Variants in PPP1R12C observed in about 807,000 individuals in gnomAD.
PPP1R12C encodes the protein leukocyte receptor cluster (LRC) encoded novel gene 3.
A neutral mutation model predicts 95.6 loss-of-function variants in PPP1R12C; 48 were observed. That is an observed-to-expected ratio of 0.50 (90% confidence interval 0.40 to 0.64). The LOEUF is 0.64. Among genes scored for constraint, PPP1R12C ranks in the 30% least tolerant of loss-of-function variants. The pLI, the probability that PPP1R12C is intolerant of heterozygous loss-of-function variation, is 0.00. For missense variants in PPP1R12C, 1,057 were observed against 1,083.3 expected, an observed-to-expected ratio of 0.98 and a Z score of 0.34; for synonymous variants, 480 against 460.8, an observed-to-expected ratio of 1.04 and a Z score of -0.53.
In PPP1R12C at chr19:55,091,058, G is replaced by A; in HGVS notation, c.*414C>T. On this transcript the variant is annotated 3_prime_UTR_variant, in exon 22 of 22. Transcript: ENST00000263433. The stretch of plus-strand genomic sequence containing the variant: ...CTATTGCACATGGACCCTATATACA[G>A]GCCCACCTGGCTGAGGCTGGCGGGA... 3.9e-6 allele frequency: 1 copy of A among 256,316 alleles called. No individual in the cohort carries two copies. The highest frequency in any genetic ancestry group is 7.7e-6 in the Non-Finnish European group (1 of 130,184). 15.9% of individuals were successfully genotyped at this position (256,316 alleles called of 1,614,324 possible).
rs537228210 is a variant in PPP1R12C, at chr19:55,097,497, C to T, written c.952-1162G>A. Among the ~76,000 whole-genome samples, 10 of 141,934 alleles carry T rather than the reference C, an allele frequency of 7.0e-5. 1 individual carries two copies. The East Asian group carries it at 1.0e-3, about 15-fold the overall frequency. 93.1% of individuals were successfully genotyped at this position (141,934 alleles called of 152,430 possible). On this transcript the variant is annotated intron_variant, in intron 6 of 21. Coordinates refer to ENST00000263433, the MANE Select transcript of PPP1R12C (RefSeq NM_017607.4). The stretch of plus-strand genomic sequence containing the variant: ...ACACCTTCCCCGCGCAGTTCACCAC[C>T]GTCTTCACCCCTACCCCGCACAGTT...
rs940738330 is a variant in PPP1R12C at position 55,109,907 on chromosome 19, C to T, written c.571+2560G>A. Among the ~76,000 whole-genome samples the T allele has an allele frequency of 1.3e-5, 2 of 152,184 alleles. No homozygotes were observed. Among genetic ancestry groups the T allele is most frequent in the Non-Finnish European group, 2.9e-5 (2 of 68,030 alleles). On this transcript the variant is annotated intron_variant, in intron 3 of 21. Transcript: ENST00000263433. The surrounding 1 kb of genome is among the most constrained non-coding windows in gnomAD (Gnocchi z 4.4). ...TGTGATTTGGGGCCGCAGAGTCCCACCCCGAGCAGCACGGCTGAGGGTCTT... is the reference window on the plus strand; with the variant it reads ...TGTGATTTGGGGCCGCAGAGTCCCATCCCGAGCAGCACGGCTGAGGGTCTT...
At chr19:55,098,182 G>A (rs2084943353) in intron 6 of PPP1R12C, among the ~76,000 whole-genome samples, 1 of 152,154 alleles carries the variant, frequency 6.6e-6, no homozygotes, top group South Asian at 2.1e-4. Context: ...GTACTCCCCC[G>A]AGCTCCTGAC....
chr19:55,095,096 G>T, intron 11 of PPP1R12C, 195 bp downstream of exon 11: 1 of 723,260 alleles, frequency 1.4e-6, no homozygotes, highest in Admixed American at 2.4e-5. Context: ...GTGGGGGGAA[G>T]ATAGGGGAGA....
At chr19:55,096,377 A>G (rs991431255) in intron 6 of PPP1R12C, 42 bp from the exon 7 acceptor site, 2 of 1,591,214 alleles carry the variant, frequency 1.3e-6, no homozygotes, top group Non-Finnish European at 1.7e-6. Flanking sequence ...GGTGGAGCAC[A>G]CGTGCCCCAC....
rs2085167253 is a variant in PPP1R12C, at chr19:55,117,414, C to A, written c.130G>T (p.Ala44Ser). 4.9e-6 allele frequency: 5 copies of A among 1,019,976 alleles called. No individual in the cohort carries two copies. The highest frequency in any genetic ancestry group is 4.7e-4 in the Middle Eastern group (1 of 2,114). The allele number at this position is 1,019,976 out of a possible 1,614,324, so 63.2% of individuals were successfully genotyped here. ...GCGCGCTCGAAGCGGACGGTGCGGG[C>A]GCGGCGCTCTCCGGGGCCAGGCTCG... is the stretch of plus-strand genomic sequence containing the variant. ...GAEPGPGERR[A>S]RTVRFERAAE... The change falls in exon 1 of 22, where the codon GCC becomes TCC. Residue 44 changes from alanine to serine, a missense_variant. Around this residue, in one of 5 missense-constraint regions of PPP1R12C, gnomAD observed 282 missense variants for 380.4 expected, o/e 0.74. Transcript: ENST00000263433.
chr19:55,103,570 TAGG>T lies in PPP1R12C; in HGVS notation c.572-5_572-3del. On this transcript the variant is annotated splice_polypyrimidine_tract_variant and splice_region_variant and intron_variant, in intron 3 of 21. Transcript: ENST00000263433. Reference sequence around the variant, plus strand: ...GCTTGGCTGCTTCCACATCCACACCTAGGAGGATAAGAGGCACGAGGTAGGACT... The same window carrying T: ...GCTTGGCTGCTTCCACATCCACACCTAGGATAAGAGGCACGAGGTAGGACT... The T allele has an allele frequency of 1.3e-6, 2 of 1,567,936 alleles. No homozygotes were observed. The highest frequency in any genetic ancestry group is 1.7e-6 in the Non-Finnish European group (2 of 1,147,930).
chr19:55,109,968 C>T lies in PPP1R12C; in HGVS notation c.571+2499G>A, dbSNP rs1404088901. On this transcript the variant is annotated intron_variant, in intron 3 of 21. Coordinates refer to ENST00000263433, the MANE Select transcript of PPP1R12C (RefSeq NM_017607.4). This position sits in a 1 kb window ranked among gnomAD's most constrained non-coding sequence, Gnocchi z 4.4. ...CCAGTGGTCTTCGTTCCTGGCTGAT[C>T]CTACAAGCCAATATCCCCCACCAAT... Among the ~76,000 whole-genome samples, 1 of 152,156 alleles carries T rather than the reference C, an allele frequency of 6.6e-6. No homozygotes were observed. Among genetic ancestry groups the T allele is most frequent in the Non-Finnish European group, 1.5e-5 (1 of 68,008 alleles).
Position 55,098,806 on chromosome 19 carries a change from T to C in PPP1R12C, c.929A>G (p.Glu310Gly). 1 of 1,613,462 alleles carries C rather than the reference T, an allele frequency of 6.2e-7. No individual in the cohort carries two copies. Among genetic ancestry groups the C allele is most frequent in the Non-Finnish European group, 8.5e-7 (1 of 1,179,966 alleles). Residue 310 changes from glutamate (E) to glycine (G), a missense_variant, in exon 6 of 22, where the codon GAA (glutamate) becomes GGA (glycine). Physicochemically the swap from Glu to Gly is moderately conservative, Grantham distance 98. Coordinates refer to ENST00000263433, the MANE Select transcript of PPP1R12C (RefSeq NM_017607.4). ...CACGTCCTCCTGTTTCCGGGCCAGTTCCTCCAACAGGCTCAGTACTTCCTC... is the reference window on the plus strand; with the variant it reads ...CACGTCCTCCTGTTTCCGGGCCAGTCCCTCCAACAGGCTCAGTACTTCCTC... ...ADEEVLSLLE[E>G]LARKQEDLRN... is the part of the protein sequence containing the mutation.
intron 3 of PPP1R12C, among the ~76,000 whole-genome samples, chr19:55,110,396 AGAGTGTAGCATCAAGGTTGGTGCG>A: frequency 7.0e-6 from 1 of 142,284 alleles, no homozygotes; most frequent in African/African-American, 2.7e-5. Flanking sequence ...GCGGTGGGTG[AGAGTGTAGCATCAAGGTTGGTGCG>A]GTGGGTGAGA....
intron 11 of PPP1R12C, 190 bp from the exon 12 acceptor site, chr19:55,094,988 C>G: frequency 1.3e-6 from 1 of 744,358 alleles, no homozygotes; most frequent in Non-Finnish European, 2.2e-6. Flanking sequence ...GGATAAAGGA[C>G]TCTGGACAGA....
chr19:55,092,594 G>A, intron 17 of PPP1R12C, 28 bp downstream of exon 17: 1 of 1,548,832 alleles, frequency 6.5e-7, no homozygotes, highest in Non-Finnish European at 8.7e-7. Context: ...CCCGCACGCA[G>A]ACCCCACCTC....
chr19:55,106,995 G>C lies in PPP1R12C; in HGVS notation c.572-3427C>G, dbSNP rs375063336. 4.7e-5 allele frequency among the ~76,000 whole-genome samples: 7 copies of C among 149,184 alleles called. No individual in the cohort carries two copies. The East Asian group carries it at 1.2e-3, about 25-fold the overall frequency. On this transcript the variant is annotated intron_variant, in intron 3 of 21. Coordinates refer to ENST00000263433, the MANE Select transcript of PPP1R12C (RefSeq NM_017607.4). ...CCTCACGGAGAGAACCTGTCTAAGA[G>C]TGAAGCCAACAGAGTTCAGCAGAGT...
chr19:55,094,834 G>T (rs911331940), intron 11 of PPP1R12C, 36 bp from the exon 12 acceptor site: 4 of 1,560,884 alleles, frequency 2.6e-6, no homozygotes, highest in African/African-American at 1.3e-5. Flanking sequence ...ACATTACCCA[G>T]GTGCATTGTG....
At chr19:55,092,165 T>G (rs2084850022) in intron 19 of PPP1R12C, 57 bp downstream of exon 19, 4 of 1,462,688 alleles carry the variant, frequency 2.7e-6, no homozygotes, top group Non-Finnish European at 2.8e-6. Context: ...CCCAGCAGTC[T>G]AAGCCCCACC....
At chr19:55,110,235 G>A (rs770966555) in intron 3 of PPP1R12C, among the ~76,000 whole-genome samples, 2 of 152,120 alleles carry the variant, frequency 1.3e-5, no homozygotes, top group Non-Finnish European at 2.9e-5. Context: ...GAGCGGGAGA[G>A]GCTACAAAGA....
intron 4 of PPP1R12C, among the ~76,000 whole-genome samples, chr19:55,101,531 G>A (rs1195195170): frequency 6.6e-6 from 1 of 152,168 alleles, no homozygotes; most frequent in African/African-American, 2.4e-5. Flanking sequence ...AAGTGGTGCC[G>A]CTTGCGGACT....
At position 55,117,586 on chromosome 19, in the gene PPP1R12C, C is replaced by A. The variant is rs1008119597; in HGVS notation, c.-43G>T. ...CAGCGAGCGAGCGAGCGCCGAGCCC[C>A]AACCGCCGCCACCACCCGCCCGCCC... On this transcript the variant is annotated 5_prime_UTR_variant, in exon 1 of 22. Transcript: ENST00000263433. The A allele has an allele frequency of 8.2e-6, 8 of 981,196 alleles. No individual in the cohort carries two copies. Among genetic ancestry groups the A allele is most frequent in the Admixed American group, 6.1e-5 (1 of 16,296 alleles). The allele number at this position is 981,196 out of a possible 1,614,324, so 60.8% of individuals were successfully genotyped here. A position where few individuals can be genotyped will look rare whatever the true frequency, so the allele number is the denominator to read the frequency against.
chr19:55,099,187 G>A, intron 4 of PPP1R12C, 92 bp from the exon 5 acceptor site: 2 of 1,382,230 alleles, frequency 1.4e-6, no homozygotes, highest in Non-Finnish European at 1.9e-6. Flanking sequence ...GAGGTCCCAG[G>A]CCACGAGACT....
Sources: allele counts gnomAD v4.1 joint callset (sites outside exome capture counted in the v4.1 genomes callset), GRCh38; gene constraint gnomAD v4.1.1; regional missense constraint gnomAD v4.1.1; non-coding constraint Gnocchi (gnomAD v3.1); transcripts MANE v1.5; gene names NCBI Gene and HGNC (gene_info 2026-07-23, HGNC 2026-07-21).